Variants in RNMT observed in about 807,000 individuals in gnomAD.
RNMT encodes the protein RNA guanine-7 methyltransferase.
A neutral mutation model predicts 56.0 loss-of-function variants in RNMT; 27 were observed. That is an observed-to-expected ratio of 0.48 (90% confidence interval 0.36 to 0.67). RNMT has a LOEUF of 0.67. Among genes scored for constraint, RNMT ranks in the 30% least tolerant of loss-of-function variants. RNMT has a pLI of 0.00. For synonymous variants in RNMT, 184 were observed against 176.2 expected (o/e 1.04, Z -0.35); for missense variants, 519 against 552.1 (o/e 0.94, Z 0.60).
At chr18:13,740,037 T>A in intron 5 of RNMT, 130 bp from the exon 6 acceptor site, 1 of 648,754 alleles carries the variant, frequency 1.5e-6, no homozygotes, top group Non-Finnish European at 2.7e-6. Context: ...TTTTCTTTTC[T>A]TTTAAAGGAA....
In RNMT at chr18:13,760,651, A is replaced by G; in HGVS notation, c.*672A>G. On this transcript the variant is annotated 3_prime_UTR_variant, in exon 12 of 12. Coordinates refer to ENST00000383314, the MANE Select transcript of RNMT (RefSeq NM_003799.3). ...CTTTTCAGAAATTGCTACCATAGTA[A>G]TTAATGTTTCCAGTTATCAAGATTG... 16 of 985,304 alleles carry G rather than the reference A, an allele frequency of 1.6e-5. No homozygotes were observed. Among genetic ancestry groups the G allele is most frequent in the Non-Finnish European group, 1.9e-5 (16 of 829,786 alleles). 61.0% of individuals were successfully genotyped at this position (985,304 alleles called of 1,614,324 possible).
chr18:13,759,436 G>A (rs916350856), intron 11 of RNMT, among the ~76,000 whole-genome samples: 5 of 152,112 alleles, frequency 3.3e-5, no homozygotes, highest in Non-Finnish European at 5.9e-5. Context: ...ATTGATTGTC[G>A]TAGAGCTTTT....
intron 11 of RNMT, among the ~76,000 whole-genome samples, chr18:13,757,895 G>T (rs546221573): frequency 6.6e-6 from 1 of 152,262 alleles, no homozygotes; most frequent in South Asian, 2.1e-4. Flanking sequence ...ACTTAAAAAT[G>T]AAAAGTACCC....
At chr18:13,745,585 G>A (rs1015217251) in intron 8 of RNMT, among the ~76,000 whole-genome samples, 1 of 152,160 alleles carries the variant, frequency 6.6e-6, no homozygotes, top group African/African-American at 2.4e-5. Flanking sequence ...GATGTGGGAC[G>A]TTAGAGAGTG....
intron 10 of RNMT, among the ~76,000 whole-genome samples, 157 bp downstream of exon 10, chr18:13,752,584 A>C (rs1262016593): frequency 6.6e-6 from 1 of 152,252 alleles, no homozygotes; most frequent in African/African-American, 2.4e-5. Context: ...TTATAACCAC[A>C]GAATATGGAA....
chr18:13,761,205 TG>T lies in RNMT; in HGVS notation c.*1228del, dbSNP rs2044615115. The T allele has an allele frequency of 1.0e-6, 1 of 985,356 alleles. No homozygotes were observed. Among genetic ancestry groups the T allele is most frequent in the Non-Finnish European group, 1.2e-6 (1 of 829,946 alleles). 61.0% of individuals were successfully genotyped at this position (985,356 alleles called of 1,614,324 possible). On this transcript the variant is annotated 3_prime_UTR_variant, in exon 12 of 12. Coordinates refer to ENST00000383314, the MANE Select transcript of RNMT (RefSeq NM_003799.3). ...TTGCAAACTTTTTAGCAAGAAAATA[TG>T]GATTTCCTCATTTCAGTTCCTTCTG...
intron 10 of RNMT, among the ~76,000 whole-genome samples, chr18:13,753,664 G>A (rs967829513): frequency 7.3e-5 from 11 of 151,624 alleles, no homozygotes; most frequent in African/African-American, 2.4e-4. Context: ...CCAGCTACTC[G>A]GCAGGCTGAG....
In RNMT at chr18:13,762,053, A is replaced by G. The variant is rs750768616; in HGVS notation, c.*2074A>G. ...ATTCTATTCAGGACTTACGGTAACT[A>G]TTATGAGGGAGGCATGGCTTTCCAC... On this transcript the variant is annotated 3_prime_UTR_variant, in exon 12 of 12. Transcript: ENST00000383314. 4.6e-6 allele frequency: 7 copies of G among 1,535,990 alleles called. No individual in the cohort carries two copies. Among genetic ancestry groups the G allele is most frequent in the African/African-American group, 2.7e-5 (2 of 73,054 alleles).
At chr18:13,727,201 C>T (rs1232668131) in intron 1 of RNMT, among the ~76,000 whole-genome samples, 1 of 152,252 alleles carries the variant, frequency 6.6e-6, no homozygotes, top group African/African-American at 2.4e-5. Flanking sequence ...TAGAGCTTAT[C>T]CCGCTTGGGC....
intron 10 of RNMT, among the ~76,000 whole-genome samples, chr18:13,753,816 TACACACACACACACACACAC>T (rs3138630): frequency 6.2e-4 from 89 of 144,498 alleles, no homozygotes; most frequent in Middle Eastern, 3.6e-3. Context: ...ATTTTCCAGT[TACACACACACACACACACAC>T]ACACACACAC....
At chr18:13,728,288 C>A (rs2043999105) in intron 1 of RNMT, among the ~76,000 whole-genome samples, 1 of 147,568 alleles carries the variant, frequency 6.8e-6, no homozygotes, top group African/African-American at 2.5e-5. Flanking sequence ...CATCCTGCAT[C>A]CTCATCAGCA....
chr18:13,736,934 T>G, intron 4 of RNMT, 76 bp from the exon 5 acceptor site: 2 of 1,303,238 alleles, frequency 1.5e-6, no homozygotes, highest in South Asian at 2.7e-5. Flanking sequence ...AGATAGTAGG[T>G]TATTAGAGGT....
At chr18:13,730,970 T>C (rs2044056934) in intron 2 of RNMT, among the ~76,000 whole-genome samples, 1 of 152,224 alleles carries the variant, frequency 6.6e-6, no homozygotes, top group Non-Finnish European at 1.5e-5. Context: ...ACAGTGACTT[T>C]TATGAATAAG....
Position 13,762,773 on chromosome 18 carries a change from C to CT in RNMT, c.*2795dup, listed in dbSNP as rs1180675335. 10 of 281,506 alleles carry CT rather than the reference C, an allele frequency of 3.6e-5. No homozygotes were observed. The highest frequency in any genetic ancestry group is 3.0e-4 in the Admixed American group (7 of 23,342). 17.4% of individuals were successfully genotyped at this position (281,506 alleles called of 1,614,324 possible). ...GGCCAGGTATCCAGTTTTGTTAACTCTCTTTGGGAATTTCTTTTTCAGCCT... is the reference window on the plus strand; with the variant it reads ...GGCCAGGTATCCAGTTTTGTTAACTCTTCTTTGGGAATTTCTTTTTCAGCCT... On this transcript the variant is annotated 3_prime_UTR_variant, in exon 12 of 12. Coordinates refer to ENST00000383314, the MANE Select transcript of RNMT (RefSeq NM_003799.3).
Position 13,737,107 on chromosome 18 carries a change from A to G in RNMT, c.651A>G (p.Lys217=). The G allele has an allele frequency of 6.2e-7, 1 of 1,611,098 alleles. No individual in the cohort carries two copies. ...GKGGDLLKWK[K]GRINKLVCTD... ...GTGGAGATTTGCTGAAATGGAAAAA[A>G]GGAAGAATTAACAAGCTAGTTTGTA... The change falls in exon 5 of 12, where the codon AAA becomes AAG. Residue 217 remains lysine, a synonymous_variant. Transcript: ENST00000383314.
chr18:13,740,201 G>A lies in RNMT; in HGVS notation c.714G>A (p.Gln238=), dbSNP rs749758967. 6.2e-7 allele frequency: 1 copy of A among 1,612,910 alleles called. No individual in the cohort carries two copies. Among genetic ancestry groups the A allele is most frequent in the Admixed American group, 1.7e-5 (1 of 60,008 alleles). The change falls in exon 6 of 12, where the codon CAG becomes CAA. Residue 238 remains glutamine (Q), a synonymous_variant. Transcript: ENST00000383314. ...IADVSVKQCQ[Q]RYEDMKNRRD... ...ATGTTTCTGTCAAACAGTGTCAGCAGCGGTATGAGGACATGAAAAATCGTC... is the reference window on the plus strand; with the variant it reads ...ATGTTTCTGTCAAACAGTGTCAGCAACGGTATGAGGACATGAAAAATCGTC...
At chr18:13,750,904 C>G (rs1598425363) in intron 9 of RNMT, among the ~76,000 whole-genome samples, 1 of 152,108 alleles carries the variant, frequency 6.6e-6, no homozygotes, top group South Asian at 2.1e-4. Flanking sequence ...GGAAAACTGG[C>G]TAGCCATATG....
Position 13,761,753 on chromosome 18 carries a change from C to T in RNMT, c.*1774C>T. ...TTGGTGTCAGGGAGGCTTACTGGAGCCACACCTGCAGGCGCTGTGTTCAGG... is the reference window on the plus strand; with the variant it reads ...TTGGTGTCAGGGAGGCTTACTGGAGTCACACCTGCAGGCGCTGTGTTCAGG... On this transcript the variant is annotated 3_prime_UTR_variant, in exon 12 of 12. Transcript: ENST00000383314. 8.5e-7 allele frequency: 1 copy of T among 1,179,560 alleles called. No homozygotes were observed. The highest frequency in any genetic ancestry group is 2.0e-5 in the South Asian group (1 of 49,394). The allele number at this position is 1,179,560 out of a possible 1,614,324, so 73.1% of individuals were successfully genotyped here.
chr18:13,742,190 T>A (rs1186040769), intron 7 of RNMT, among the ~76,000 whole-genome samples: 3 of 152,094 alleles, frequency 2.0e-5, no homozygotes, highest in African/African-American at 7.2e-5. Flanking sequence ...AATTTACAAA[T>A]TAGCCAGCAT....
Sources: allele counts gnomAD v4.1 joint callset (sites outside exome capture counted in the v4.1 genomes callset), GRCh38; gene constraint gnomAD v4.1.1; transcripts MANE v1.5; gene names NCBI Gene and HGNC (gene_info 2026-07-23, HGNC 2026-07-21).